LRBA: variants seen among roughly 807,000 people sequenced by gnomAD.
The protein encoded by LRBA is lipopolysaccharide-responsive and beige-like anchor protein.
Under a neutral mutation model 330.0 loss-of-function variants are expected in LRBA, and 176 were observed. The observed-to-expected ratio is 0.53, with a 90% confidence interval of 0.47 to 0.60. LRBA has a LOEUF of 0.60. LRBA is among the 20% of genes least tolerant of loss of function. The probability of loss-of-function intolerance (pLI) is 0.00; values close to 1 mark genes in which losing one functional copy is unlikely to be tolerated. For synonymous variants in LRBA, 1,230 were observed against 1,193.0 expected, an observed-to-expected ratio of 1.03 and a Z score of -0.64; for missense variants, 3,259 against 3,444.8, an observed-to-expected ratio of 0.95 and a Z score of 1.35.
chr4:150,353,915 AAAAAGGGACCT>A (rs1168460331), intron 47 of LRBA, among the ~76,000 whole-genome samples: 5 of 152,204 alleles, frequency 3.3e-5, no homozygotes, highest in Non-Finnish European at 1.5e-5. Context: ...CCAAAGCTTT[AAAAAGGGACCT>A]AAAAGAACAA....
At position 150,850,740 on chromosome 4, in the gene LRBA, T is replaced by C; in HGVS notation, c.3988A>G (p.Ile1330Val). 6.2e-7 allele frequency: 1 copy of C among 1,611,486 alleles called. No individual in the cohort carries two copies. The highest frequency in any genetic ancestry group is 1.1e-5 in the South Asian group (1 of 90,918). Residue 1330 changes from isoleucine to valine, a missense_variant, in exon 24 of 57, where the codon ATA becomes GTA. Ile to Val is a conservative substitution (Grantham distance 29). Coordinates refer to ENST00000651943, the MANE Select transcript of LRBA (RefSeq NM_001364905.1). ...TDLLFSIETD[I>V]QMWRSHSTKT... is the part of the protein sequence containing the mutation. ...TAGACAAACCTTCTCCACATCTGTA[T>C]ATCTGTTTCTATTGAAAATAATAGA...
chr4:150,488,773 C>A (rs1215992793), intron 41 of LRBA, among the ~76,000 whole-genome samples: 1 of 149,302 alleles, frequency 6.7e-6, no homozygotes, highest in African/African-American at 2.4e-5. Flanking sequence ...AAAAATATAC[C>A]AATGTTCCTA....
At chr4:150,597,785 A>C (rs1225129077) in intron 38 of LRBA, among the ~76,000 whole-genome samples, 1 of 152,080 alleles carries the variant, frequency 6.6e-6, no homozygotes, top group Non-Finnish European at 1.5e-5. Flanking sequence ...ATGTACTCTA[A>C]AAGCAAAAGT....
At chr4:150,868,139 T>C (rs770943838) in intron 21 of LRBA, 43 bp downstream of exon 21, 15 of 1,552,016 alleles carry the variant, frequency 9.7e-6, no homozygotes, top group Non-Finnish European at 1.2e-5. Context: ...TATACAAAAG[T>C]ACATTTGAAT....
At chr4:150,875,522 T>C (rs1269547593) in intron 17 of LRBA, among the ~76,000 whole-genome samples, 1 of 152,184 alleles carries the variant, frequency 6.6e-6, no homozygotes, top group Non-Finnish European at 1.5e-5. Context: ...CCCAGCCACA[T>C]TGGCCAAAGC....
intron 17 of LRBA, among the ~76,000 whole-genome samples, chr4:150,887,067 T>A (rs147820891): frequency 2.0e-5 from 3 of 152,322 alleles, no homozygotes; most frequent in African/African-American, 7.2e-5. Context: ...GTTATATGCA[T>A]GTATTAATAT....
intron 22 of LRBA, among the ~76,000 whole-genome samples, chr4:150,853,595 T>G (rs760928684): frequency 3.9e-5 from 6 of 152,166 alleles, no homozygotes; most frequent in Non-Finnish European, 8.8e-5. Context: ...TATATCTGAG[T>G]GACTACAATA....
At chr4:150,448,824 G>GAAAA (rs1214851658) in intron 44 of LRBA, among the ~76,000 whole-genome samples, 47 of 29,672 alleles carry the variant, frequency 1.6e-3, no homozygotes, top group East Asian at 3.3e-3. Context: ...AAAAAAAAAG[G>GAAAA]GGGGGGGGGT....
At chr4:150,689,337 A>T (rs1783909503) in intron 36 of LRBA, among the ~76,000 whole-genome samples, 1 of 152,144 alleles carries the variant, frequency 6.6e-6, no homozygotes, top group South Asian at 2.1e-4. Flanking sequence ...GAGGGATAGC[A>T]TTAAGAGAAA....
chr4:150,924,601 C>G (rs369817329), intron 4 of LRBA, among the ~76,000 whole-genome samples: 1 of 152,140 alleles, frequency 6.6e-6, no homozygotes, highest in East Asian at 1.9e-4. Context: ...TGCAATATTT[C>G]CACATGTAAA....
At chr4:150,681,132 A>T (rs1230141640) in intron 37 of LRBA, among the ~76,000 whole-genome samples, 1 of 152,230 alleles carries the variant, frequency 6.6e-6, no homozygotes, top group Non-Finnish European at 1.5e-5. Flanking sequence ...CTCATTGTGC[A>T]TATTTCTTTT....
At chr4:150,520,382 T>C (rs1762792859) in intron 40 of LRBA, among the ~76,000 whole-genome samples, 1 of 152,172 alleles carries the variant, frequency 6.6e-6, no homozygotes, top group South Asian at 2.1e-4. Flanking sequence ...TCAATTTATT[T>C]AGGTTTTATT....
At chr4:150,849,852 A>T (rs1274516844) in intron 24 of LRBA, among the ~76,000 whole-genome samples, 1 of 152,218 alleles carries the variant, frequency 6.6e-6, no homozygotes, top group Non-Finnish European at 1.5e-5. Context: ...CTTACTGGGA[A>T]CAAAACTAAG....
intron 40 of LRBA, chr4:150,579,721 G>GC: frequency 4.4e-6 from 2 of 456,530 alleles, no homozygotes; most frequent in South Asian, 3.1e-5. Context: ...GGCCTGGGAC[G>GC]CCCCACCCGA....
chr4:150,805,572 AAAGGAAAGGAAAG>A (rs1742631106), intron 33 of LRBA, among the ~76,000 whole-genome samples: 1 of 129,756 alleles, frequency 7.7e-6, no homozygotes, highest in Admixed American at 7.6e-5. Context: ...AAAGGAAAGG[AAAGGAAAGGAAAG>A]GAAAGGAAAG....
intron 56 of LRBA, among the ~76,000 whole-genome samples, chr4:150,268,706 A>G (rs2126696610): frequency 6.6e-6 from 1 of 152,238 alleles, no homozygotes; most frequent in East Asian, 1.9e-4. Flanking sequence ...GACAAAATTC[A>G]TCATCCTTTT....
chr4:150,924,897 T>C (rs947435322), intron 4 of LRBA, among the ~76,000 whole-genome samples: 3 of 152,144 alleles, frequency 2.0e-5, no homozygotes, highest in African/African-American at 7.2e-5. Flanking sequence ...AAAATAATGT[T>C]TGGGGCTGAG....
chr4:150,504,570 C>A (rs1425646748), intron 40 of LRBA, among the ~76,000 whole-genome samples: 2 of 152,174 alleles, frequency 1.3e-5, no homozygotes, highest in African/African-American at 2.4e-5. Flanking sequence ...ACCAGGCCTG[C>A]CCTAAAGGAG....
chr4:150,352,834 G>T (rs1396380769), intron 47 of LRBA, among the ~76,000 whole-genome samples: 1 of 152,186 alleles, frequency 6.6e-6, no homozygotes, highest in Non-Finnish European at 1.5e-5. Context: ...CTACACAAAA[G>T]CCCTAAATAT....
Sources: gnomAD v4.1 joint callset for allele counts (sites outside exome capture counted in the v4.1 genomes callset) on GRCh38, gnomAD v4.1.1 for gene constraint, MANE v1.5 for transcripts, NCBI Gene and HGNC (gene_info 2026-07-23, HGNC 2026-07-21) for gene names.